The following PROSER1 variants were observed in gnomAD, a reference collection of about 807,000 sequenced individuals.
PROSER1 encodes the protein proline and serine rich 1.
Under a neutral mutation model 71.8 loss-of-function variants are expected in PROSER1, and 36 were observed. The ratio of observed to expected loss-of-function variants is 0.50; its 90% CI spans 0.38 to 0.66. PROSER1 has a LOEUF of 0.66. Among genes scored for constraint, PROSER1 ranks in the 30% least tolerant of loss-of-function variants. The pLI is 0.00. For synonymous variants in PROSER1, 490 were observed against 452.4 expected (o/e 1.08, Z -1.06); for missense variants, 1,107 against 1,135.0 (o/e 0.98, Z 0.35).
In PROSER1 at chr13:39,024,500, AG is replaced by A; in HGVS notation, c.536del (p.Ala179ValfsTer47). The A allele has an allele frequency of 1.2e-6, 2 of 1,611,554 alleles. No homozygotes were observed. The highest frequency in any genetic ancestry group is 1.7e-6 in the Non-Finnish European group (2 of 1,178,610). On this transcript the variant is annotated frameshift_variant, in exon 7 of 13. Transcript: ENST00000352251. LOFTEE classifies it high-confidence loss of function. ...EECTNEGKGI[A>X]ARILGPSKPP... ...GTTTGGATGGCCCAAGAATTCGTGC[AG>A]CTATTCCTTTGCCTTCGTTAGTACA...
chr13:39,012,805 G>T lies in PROSER1; in HGVS notation c.2447C>A (p.Ala816Glu). The T allele has an allele frequency of 6.2e-7, 1 of 1,614,220 alleles. No individual in the cohort carries two copies. The highest frequency in any genetic ancestry group is 1.6e-4 in the Middle Eastern group (1 of 6,062). ...FPGLQAPSTV[A>E]AVTPLPVAAT... ...AGCCACAGGTAGTGGTGTGACAGCT[G>T]CGACTGTAGAGGGCGCCTGCAGCCC... is the stretch of plus-strand genomic sequence containing the variant. The change falls in exon 11 of 13, where the codon GCA (alanine) becomes GAA (glutamate). Residue 816 changes from alanine to glutamate, a missense_variant. Coordinates refer to ENST00000352251, the MANE Select transcript of PROSER1 (RefSeq NM_025138.5).
At chr13:39,033,781 C>T (rs964755726) in intron 2 of PROSER1, among the ~76,000 whole-genome samples, 6 of 152,258 alleles carry the variant, frequency 3.9e-5, no homozygotes, top group African/African-American at 1.4e-4. Context: ...TTTTATATTA[C>T]ATGACGAATT....
chr13:39,024,952 T>C (rs966802069), intron 6 of PROSER1, among the ~76,000 whole-genome samples: 11 of 152,186 alleles, frequency 7.2e-5, no homozygotes, highest in African/African-American at 2.4e-4. Flanking sequence ...CTTTAAATAA[T>C]CTCTAGATTA....
chr13:39,026,760 C>G (rs953434050), intron 5 of PROSER1, among the ~76,000 whole-genome samples: 1 of 152,140 alleles, frequency 6.6e-6, no homozygotes, highest in Non-Finnish European at 1.5e-5. Context: ...AAGGAGGACA[C>G]AGAGATGGAA....
chr13:39,011,868 G>C (rs1869675415), intron 12 of PROSER1, among the ~76,000 whole-genome samples: 1 of 152,162 alleles, frequency 6.6e-6, no homozygotes, highest in Non-Finnish European at 1.5e-5. Flanking sequence ...AATTCATACA[G>C]ATAACTATAT....
intron 10 of PROSER1, among the ~76,000 whole-genome samples, chr13:39,015,702 A>T (rs17058977): frequency 0.026 from 3,993 of 152,236 alleles, 176 homozygotes; most frequent in African/African-American, 0.092. Context: ...AGAAAAAAAA[A>T]ATGATTGGAA....
chr13:39,026,586 G>A (rs917331308), intron 5 of PROSER1, 199 bp from the exon 6 acceptor site: 2 of 465,754 alleles, frequency 4.3e-6, no homozygotes, highest in East Asian at 3.4e-5. Flanking sequence ...AATTAAAATG[G>A]TTAACATAAT....
intron 3 of PROSER1, among the ~76,000 whole-genome samples, chr13:39,029,718 T>A (rs1393446134): frequency 6.6e-6 from 1 of 152,130 alleles, no homozygotes; most frequent in African/African-American, 2.4e-5. Context: ...ACATGGGAGA[T>A]TAAATTGTTC....
chr13:39,011,073 T>A lies in PROSER1; in HGVS notation c.*292A>T. ...AAAGAGTTCAACCTACTCTTTAATA[T>A]TCTTTCTATGTAGATCACATACACA... is the stretch of plus-strand genomic sequence containing the variant. On this transcript the variant is annotated 3_prime_UTR_variant, in exon 13 of 13. Transcript: ENST00000352251. 5 of 279,450 alleles carry A rather than the reference T, an allele frequency of 1.8e-5. No individual in the cohort carries two copies. In the South Asian group the frequency reaches 2.4e-4, roughly 13 times the overall value. 17.3% of individuals were successfully genotyped at this position (279,450 alleles called of 1,614,324 possible). A position where few individuals can be genotyped will look rare whatever the true frequency, so the allele number is the denominator to read the frequency against.
Position 39,011,234 on chromosome 13 carries a change from T to C in PROSER1, c.*131A>G. The C allele has an allele frequency of 1.1e-6, 1 of 877,508 alleles. No individual in the cohort carries two copies. Among genetic ancestry groups the C allele is most frequent in the African/African-American group, 1.7e-5 (1 of 59,344 alleles). 54.4% of individuals were successfully genotyped at this position (877,508 alleles called of 1,614,324 possible). On this transcript the variant is annotated 3_prime_UTR_variant, in exon 13 of 13. Coordinates refer to ENST00000352251, the MANE Select transcript of PROSER1 (RefSeq NM_025138.5). ...TGCAACCACAATTTTCAAATTGTTG[T>C]CACAATTTCTCCAGGATTACCCTCA...
intron 10 of PROSER1, among the ~76,000 whole-genome samples, chr13:39,014,859 T>A (rs1434684376): frequency 1.3e-5 from 2 of 152,218 alleles, no homozygotes; most frequent in Non-Finnish European, 2.9e-5. Flanking sequence ...TCAGTCCCCC[T>A]CATAGGAGCT....
rs763636882 is a variant in PROSER1, at chr13:39,013,675, G to A, written c.1577C>T (p.Thr526Ile). ...CCCTGGAGTGGAAGTCCTCTGTGGG[G>A]TAGGGATGGCTGATGGGGCATAGCA... ...NKCYAPSAIPTPQRTSTPGLA... is the reference protein window; with the variant it reads ...NKCYAPSAIPIPQRTSTPGLA... Residue 526 changes from threonine (T) to isoleucine (I), a missense_variant, in exon 11 of 13, where the codon ACC (threonine) becomes ATC (isoleucine). Coordinates refer to ENST00000352251, the MANE Select transcript of PROSER1 (RefSeq NM_025138.5). 1 of 1,614,200 alleles carries A rather than the reference G, an allele frequency of 6.2e-7. No individual in the cohort carries two copies. The highest frequency in any genetic ancestry group is 1.1e-5 in the South Asian group (1 of 91,088).
chr13:39,013,654 G>A lies in PROSER1; in HGVS notation c.1598C>T (p.Pro533Leu), dbSNP rs764684565. Residue 533 changes from proline (P) to leucine (L), a missense_variant, in exon 11 of 13, where the codon CCA (proline) becomes CTA (leucine). By Grantham distance (98) the Pro-to-Leu change is moderately conservative. Coordinates refer to ENST00000352251, the MANE Select transcript of PROSER1 (RefSeq NM_025138.5). Reference protein sequence around the residue: ...AIPTPQRTSTPGLALFPGLPS... With the variant: ...AIPTPQRTSTLGLALFPGLPS... ...CAGGCCTGGGAACAGGGCCAACCCT[G>A]GAGTGGAAGTCCTCTGTGGGGTAGG... 4 of 1,614,044 alleles carry A rather than the reference G, an allele frequency of 2.5e-6. No individual in the cohort carries two copies. The highest frequency in any genetic ancestry group is 2.7e-5 in the African/African-American group (2 of 74,918).
intron 9 of PROSER1, among the ~76,000 whole-genome samples, chr13:39,019,623 TC>T (rs1870194995): frequency 6.7e-6 from 1 of 148,856 alleles, no homozygotes; most frequent in Non-Finnish European, 1.5e-5. Flanking sequence ...AAGAAGGTAA[TC>T]ATTGGCGATA....
chr13:39,034,198 TAAA>T lies in PROSER1; in HGVS notation c.46-5_46-3del, dbSNP rs746321138. ...TAATTTGTATTCTGTCAAAACAGCCTAAAAAAAAAAAACACACACACACAGAGT... is the reference window on the plus strand; with the variant it reads ...TAATTTGTATTCTGTCAAAACAGCCTAAAAAAAAACACACACACACAGAGT... On this transcript the variant is annotated splice_region_variant and splice_polypyrimidine_tract_variant and intron_variant, in intron 1 of 12. Coordinates refer to ENST00000352251, the MANE Select transcript of PROSER1 (RefSeq NM_025138.5). The T allele has an allele frequency of 1.3e-5, 16 of 1,268,530 alleles. No homozygotes were observed. The highest frequency in any genetic ancestry group is 6.0e-5 in the South Asian group (4 of 66,618). The allele number at this position is 1,268,530 out of a possible 1,614,324, so 78.6% of individuals were successfully genotyped here. A position where few individuals can be genotyped will look rare whatever the true frequency, so the allele number is the denominator to read the frequency against.
chr13:39,011,371 C>T lies in PROSER1; in HGVS notation c.2829G>A (p.Trp943Ter). 1 of 1,613,930 alleles carries T rather than the reference C, an allele frequency of 6.2e-7. No individual in the cohort carries two copies. The highest frequency in any genetic ancestry group is 1.1e-5 in the South Asian group (1 of 91,074). Reference sequence around the variant, plus strand: ...GAATAAAAGTTAAAAGTATTCACTGCCACCCACTCTGGGACAGGCTTGGTT... The same window carrying T: ...GAATAAAAGTTAAAAGTATTCACTGTCACCCACTCTGGGACAGGCTTGGTT... ...SLQPSLSQSG[W>*]Q Residue 943 changes from tryptophan to a stop codon, truncating the protein, a stop_gained, in exon 13 of 13, where the codon TGG (tryptophan) becomes TGA (stop). Coordinates refer to ENST00000352251, the MANE Select transcript of PROSER1 (RefSeq NM_025138.5). LOFTEE classifies it high-confidence loss of function.
Position 39,029,366 on chromosome 13 carries a change from C to T in PROSER1, c.190G>A (p.Ala64Thr), listed in dbSNP as rs769482816. The T allele has an allele frequency of 1.4e-6, 2 of 1,433,200 alleles. No individual in the cohort carries two copies. Among genetic ancestry groups the T allele is most frequent in the South Asian group, 1.7e-5 (1 of 59,968 alleles). The allele number at this position is 1,433,200 out of a possible 1,614,324, so 88.8% of individuals were successfully genotyped here. Residue 64 changes from alanine to threonine, a missense_variant, in exon 4 of 13, where the codon GCT becomes ACT. Physicochemically the swap from Ala to Thr is moderately conservative, Grantham distance 58. Transcript: ENST00000352251. ...TTGACCACTTCTGTTGGCTGGACAG[C>T]CACCATTTTCTGTTGATATAAAAAA... ...AMKALQHKMVAVQPTEVVNIL... is the reference protein window; with the variant it reads ...AMKALQHKMVTVQPTEVVNIL...
intron 8 of PROSER1, 43 bp from the exon 9 acceptor site, chr13:39,022,455 T>C: frequency 7.7e-7 from 1 of 1,298,870 alleles, no homozygotes; most frequent in Non-Finnish European, 1.1e-6. Flanking sequence ...CTTAGGACTG[T>C]TCTGTGACTG....
intron 4 of PROSER1, among the ~76,000 whole-genome samples, chr13:39,028,608 T>C (rs1275822017): frequency 6.6e-6 from 1 of 152,194 alleles, no homozygotes; most frequent in Non-Finnish European, 1.5e-5. Context: ...AGGAGAGCTA[T>C]GCCAATAGAA....
Sources: allele counts gnomAD v4.1 joint callset (sites outside exome capture counted in the v4.1 genomes callset), GRCh38; gene constraint gnomAD v4.1.1; transcripts MANE v1.5; gene names NCBI Gene and HGNC (gene_info 2026-07-23, HGNC 2026-07-21).